PRRC2A: variants seen among roughly 807,000 people sequenced by gnomAD.
The protein encoded by PRRC2A is protein PRRC2A.
Under a neutral mutation model 224.6 loss-of-function variants are expected in PRRC2A, and 59 were observed. The ratio of observed to expected loss-of-function variants is 0.26; its 90% CI spans 0.21 to 0.33. PRRC2A has a LOEUF of 0.33. Ranked by LOEUF, PRRC2A falls within the 10% of genes least tolerant of loss-of-function variation. The pLI is 1.00. For synonymous variants in PRRC2A, 1,194 were observed against 1,109.5 expected, an observed-to-expected ratio of 1.08 and a Z score of -1.51; for missense variants, 3,095 against 2,880.7, an observed-to-expected ratio of 1.07 and a Z score of -1.70.
chr6:31,632,120 C>T lies in PRRC2A; in HGVS notation c.3447C>T (p.Ala1149=). 1 of 1,556,966 alleles carries T rather than the reference C, an allele frequency of 6.4e-7. No individual in the cohort carries two copies. The highest frequency in any genetic ancestry group is 8.7e-7 in the Non-Finnish European group (1 of 1,151,302). ...PPPPGAPPSP[A]PARFTARGGR... is the part of the protein sequence containing the mutation. ...CACCAGGAGCCCCACCTTCACCAGC[C>T]CCAGCCCGCTTCACTGCCCGGGGTG... The change falls in exon 16 of 31, where the codon GCC becomes GCT. Residue 1149 remains alanine (A), a synonymous_variant. Coordinates refer to ENST00000376033, the MANE Select transcript of PRRC2A (RefSeq NM_004638.4).
Position 31,632,103 on chromosome 6 carries a change from G to C in PRRC2A, c.3430G>C (p.Ala1144Pro). The change falls in exon 16 of 31, where the codon GCC (alanine) becomes CCC (proline). Residue 1144 changes from alanine to proline, a missense_variant. This residue lies in a region of PRRC2A where 2,001 missense variants were observed against 1,764.9 expected (regional missense o/e 1.13). Transcript: ENST00000376033. Reference sequence around the variant, plus strand: ...CCCTCTCGCTCCCCCACCACCAGGAGCCCCACCTTCACCAGCCCCAGCCCG... The same window carrying C: ...CCCTCTCGCTCCCCCACCACCAGGACCCCCACCTTCACCAGCCCCAGCCCG... ...QVPLAPPPPG[A>P]PPSPAPARFT... 6.4e-7 allele frequency: 1 copy of C among 1,551,822 alleles called. No individual in the cohort carries two copies. The highest frequency in any genetic ancestry group is 1.2e-5 in the South Asian group (1 of 81,240).
rs779958741 is a variant in PRRC2A at position 31,632,889 on chromosome 6, GGCAGCAGTGGCA to G, written c.4227_4238del (p.Ser1410_Gly1413del). ...GCGCCCTGGCCCAGGGGGCAAGGCT[GGCAGCAGTGGCA>G]GCAGCAGTGGAGGAGGCGGTGGGGG... is the stretch of plus-strand genomic sequence containing the variant. On this transcript the variant is annotated inframe_deletion, in exon 16 of 31. Coordinates refer to ENST00000376033, the MANE Select transcript of PRRC2A (RefSeq NM_004638.4). 2.8e-5 allele frequency: 45 copies of G among 1,612,804 alleles called. No individual in the cohort carries two copies. Among genetic ancestry groups the G allele is most frequent in the Admixed American group, 1.2e-4 (7 of 60,004 alleles).
In PRRC2A at chr6:31,636,230, C is replaced by T. The variant is rs749739603; in HGVS notation, c.5646C>T (p.Pro1882=). Residue 1882 remains proline, a synonymous_variant, in exon 26 of 31, where the codon CCC becomes CCT. Coordinates refer to ENST00000376033, the MANE Select transcript of PRRC2A (RefSeq NM_004638.4). This position sits in a 1 kb window ranked among gnomAD's most constrained non-coding sequence, Gnocchi z 4.3. ...TCAGATCACAGCCCCTATACCTACC[C>T]CCCGGCCCAGCCCCTCCCTCAGCAC... ...HPYRSQPLYL[P]PGPAPPSALL... is the part of the protein sequence containing the mutation. 1.9e-5 allele frequency: 31 copies of T among 1,612,862 alleles called. No homozygotes were observed. The highest frequency in any genetic ancestry group is 2.5e-5 in the Non-Finnish European group (30 of 1,179,722).
In PRRC2A at chr6:31,632,335, T is replaced by C; in HGVS notation, c.3662T>C (p.Val1221Ala). The C allele has an allele frequency of 6.2e-7, 1 of 1,613,278 alleles. No homozygotes were observed. Among genetic ancestry groups the C allele is most frequent in the African/African-American group, 1.3e-5 (1 of 74,996 alleles). The change falls in exon 16 of 31, where the codon GTG (valine) becomes GCG (alanine). Residue 1221 changes from valine to alanine, a missense_variant. This residue lies in a region of PRRC2A where 2,001 missense variants were observed against 1,764.9 expected (regional missense o/e 1.13). Transcript: ENST00000376033. The stretch of plus-strand genomic sequence containing the variant: ...TTGATCCCAGGGCCTCTGTCCCCTG[T>C]GGCGCGCGGAGGCAGCAATGGAGGT... ...EKLIPGPLSP[V>A]ARGGSNGGSN...
chr6:31,633,810 G>C, intron 17 of PRRC2A, 49 bp from the exon 18 acceptor site: 1 of 1,548,824 alleles, frequency 6.5e-7, no homozygotes, highest in Non-Finnish European at 8.7e-7. Context: ...GGAAAAGTTA[G>C]GGTCAGTGGC....
Position 31,622,736 on chromosome 6 carries a change from C to A in PRRC2A, c.-54C>A. On this transcript the variant is annotated 5_prime_UTR_variant, in exon 2 of 31. Transcript: ENST00000376033. ...GCTGTCTGGCCCACAGGCTCTGGCA[C>A]GTTTTGGGGGAGGTGCCTGCAGGAC... 1 of 1,372,628 alleles carries A rather than the reference C, an allele frequency of 7.3e-7. No homozygotes were observed. The highest frequency in any genetic ancestry group is 1.0e-6 in the Non-Finnish European group (1 of 967,462). The allele number at this position is 1,372,628 out of a possible 1,614,324, so 85.0% of individuals were successfully genotyped here.
Position 31,627,014 on chromosome 6 carries a change from G to A in PRRC2A, c.1106G>A (p.Arg369Gln), listed in dbSNP as rs758644306. The change falls in exon 11 of 31, where the codon CGG becomes CAG. Residue 369 changes from arginine (R) to glutamine (Q), a missense_variant. Transcript: ENST00000376033. This position sits in a 1 kb window ranked among gnomAD's most constrained non-coding sequence, Gnocchi z 5.6. ...TCCCAATCAGCTTCTGGTGAGGAAC[G>A]GCCCCCTGAAGCAGATGGCAAAAAG... is the stretch of plus-strand genomic sequence containing the variant. ...RDSQSASGEE[R>Q]PPEADGKKGN... 4.3e-5 allele frequency: 70 copies of A among 1,614,032 alleles called. No individual in the cohort carries two copies. Among genetic ancestry groups the A allele is most frequent in the Non-Finnish European group, 5.3e-5 (62 of 1,180,050 alleles).
In PRRC2A at chr6:31,631,765, A is replaced by C; in HGVS notation, c.3092A>C (p.Tyr1031Ser). The part of the protein sequence containing the change: ...TSCRGRGRGE[Y>S]FARGRGFRGT... ...TGCCGGGGTCGGGGCCGAGGCGAGT[A>C]TTTTGCCAGAGGGAGGGGTTTTCGG... The change falls in exon 16 of 31, where the codon TAT becomes TCT. Residue 1031 changes from tyrosine to serine, a missense_variant. Coordinates refer to ENST00000376033, the MANE Select transcript of PRRC2A (RefSeq NM_004638.4). This position sits in a 1 kb window ranked among gnomAD's most constrained non-coding sequence, Gnocchi z 4.5. 1.3e-6 allele frequency: 2 copies of C among 1,540,802 alleles called. No individual in the cohort carries two copies. The highest frequency in any genetic ancestry group is 1.8e-6 in the Non-Finnish European group (2 of 1,142,502).
At chr6:31,626,233 G>T in intron 9 of PRRC2A, 71 bp downstream of exon 9, 3 of 1,509,722 alleles carry the variant, frequency 2.0e-6, no homozygotes, top group Non-Finnish European at 2.7e-6. Flanking sequence ...AAAAATACAG[G>T]GTTATGTGGG....
chr6:31,632,763 G>A lies in PRRC2A; in HGVS notation c.4090G>A (p.Gly1364Ser), dbSNP rs1170499450. The change falls in exon 16 of 31, where the codon GGT (glycine) becomes AGT (serine). Residue 1364 changes from glycine (G) to serine (S), a missense_variant. Gly to Ser is a moderately conservative substitution (Grantham distance 56). Transcript: ENST00000376033. ...PGGGGGGAVP[G>S]ISAMSRGDLS... ...GGGAGGTGGAGGTGGAGCCGTACCA[G>A]GTATTTCAGCCATGTCCCGCGGAGA... 6.2e-7 allele frequency: 1 copy of A among 1,613,120 alleles called. No homozygotes were observed. The highest frequency in any genetic ancestry group is 8.5e-7 in the Non-Finnish European group (1 of 1,180,030).
intron 14 of PRRC2A, 55 bp from the exon 15 acceptor site, chr6:31,630,536 C>CT (rs1776427966): frequency 6.3e-7 from 1 of 1,587,344 alleles, no homozygotes; most frequent in South Asian, 1.1e-5. Flanking sequence ...GCTTTTTGGG[C>CT]TGGAGGGCTT....
Position 31,623,834 on chromosome 6 carries a change from A to G in PRRC2A, c.215A>G (p.Asn72Ser), listed in dbSNP as rs781377731. The change falls in exon 3 of 31, where the codon AAT becomes AGT. Residue 72 changes from asparagine (N) to serine (S), a missense_variant. Physicochemically the swap from Asn to Ser is conservative, Grantham distance 46 (BLOSUM62 1). Around this residue, in one of 8 missense-constraint regions of PRRC2A, gnomAD observed 52 missense variants for 77.9 expected, o/e 0.67. Transcript: ENST00000376033. ...AGCCTGAAAGCCGAGAACAAAGGCA[A>G]TGACCCCAATGTCTCACTAGTGCCA... is the stretch of plus-strand genomic sequence containing the variant. ...LPSLKAENKG[N>S]DPNVSLVPKD... 1.4e-5 allele frequency: 22 copies of G among 1,614,096 alleles called. No homozygotes were observed. Among genetic ancestry groups the G allele is most frequent in the East Asian group, 8.9e-5 (4 of 44,896 alleles).
chr6:31,637,110 A>G lies in PRRC2A; in HGVS notation c.6216A>G (p.Gly2072=). Residue 2072 remains glycine (G), a synonymous_variant, in exon 29 of 31, where the codon GGA becomes GGG. Transcript: ENST00000376033. The part of the protein sequence containing the change: ...QKLSSNLGGP[G]SSRTPPTGRS... The stretch of plus-strand genomic sequence containing the variant: ...TGAGCAGCAACCTTGGGGGACCTGG[A>G]TCATCACGGACTCCCCCAACTGGAA... 2 of 1,611,214 alleles carry G rather than the reference A, an allele frequency of 1.2e-6. No homozygotes were observed. Among genetic ancestry groups the G allele is most frequent in the Non-Finnish European group, 1.7e-6 (2 of 1,178,982 alleles).
Position 31,631,534 on chromosome 6 carries a change from A to T in PRRC2A, c.2861A>T (p.Lys954Ile). The change falls in exon 16 of 31, where the codon AAA (lysine) becomes ATA (isoleucine). Residue 954 changes from lysine (K) to isoleucine (I), a missense_variant. Physicochemically the swap from Lys to Ile is moderately radical, Grantham distance 102 (BLOSUM62 -3). Around this residue, in one of 8 missense-constraint regions of PRRC2A, gnomAD observed 2,001 missense variants for 1,764.9 expected, o/e 1.13. Coordinates refer to ENST00000376033, the MANE Select transcript of PRRC2A (RefSeq NM_004638.4). The surrounding 1 kb of genome is among the most constrained non-coding windows in gnomAD (Gnocchi z 4.5). Reference protein sequence around the residue: ...APPRRAGPIKKPPPPTKVEEL... With the variant: ...APPRRAGPIKIPPPPTKVEEL... ...CCCCGCCGGGCTGGGCCTATAAAGA[A>T]ACCTCCACCACCTACAAAAGTAGAA... 1 of 1,595,220 alleles carries T rather than the reference A, an allele frequency of 6.3e-7. No individual in the cohort carries two copies. Among genetic ancestry groups the T allele is most frequent in the Non-Finnish European group, 8.5e-7 (1 of 1,174,278 alleles).
rs144034863 is a variant in PRRC2A at position 31,634,297 on chromosome 6, C to T, written c.4781C>T (p.Pro1594Leu). Residue 1594 changes from proline to leucine, a missense_variant, in exon 19 of 31, where the codon CCT becomes CTT. Transcript: ENST00000376033. ...GGCTCTAAGCCTGAGGGCCCAGGCC[C>T]TCAGGCAGAGTCCAGAGATACAGGC... ...FLGSKPEGPG[P>L]QAESRDTGTE... is the part of the protein sequence containing the mutation. The T allele has an allele frequency of 6.2e-7, 1 of 1,612,324 alleles. No individual in the cohort carries two copies. Among genetic ancestry groups the T allele is most frequent in the Non-Finnish European group, 8.5e-7 (1 of 1,179,868 alleles).
Position 31,626,684 on chromosome 6 carries a change from G to T in PRRC2A, c.983-88G>T. 2.6e-6 allele frequency: 3 copies of T among 1,154,516 alleles called. No individual in the cohort carries two copies. In the South Asian group the frequency reaches 4.3e-5, roughly 17 times the overall value. 71.5% of individuals were successfully genotyped at this position (1,154,516 alleles called of 1,614,324 possible). The stretch of plus-strand genomic sequence containing the variant: ...TTCGGAGGGAAGGATATTGGCATTG[G>T]TAGTCCATCTTGTTACATAGTTCCA... On this transcript the variant is annotated intron_variant, in intron 9 of 30. Coordinates refer to ENST00000376033, the MANE Select transcript of PRRC2A (RefSeq NM_004638.4).
At position 31,636,760 on chromosome 6, in the gene PRRC2A, C is replaced by T; in HGVS notation, c.5962C>T (p.Leu1988=). ...QMLLPMVDSQ[L]PVVNFGSLPP... is the part of the protein sequence containing the mutation. ...GCTTCTACCCATGGTAGACTCACAG[C>T]TGCCTGTGGTGAACTTTGGCTCCCT... Residue 1988 remains leucine, a synonymous_variant, in exon 28 of 31, where the codon CTG becomes TTG. Coordinates refer to ENST00000376033, the MANE Select transcript of PRRC2A (RefSeq NM_004638.4). The surrounding 1 kb of genome is among the most constrained non-coding windows in gnomAD (Gnocchi z 4.3). The T allele has an allele frequency of 1.2e-6, 2 of 1,606,972 alleles. No homozygotes were observed. Among genetic ancestry groups the T allele is most frequent in the South Asian group, 2.2e-5 (2 of 91,078 alleles).
In PRRC2A at chr6:31,634,509, G is replaced by C. The variant is rs1192211929; in HGVS notation, c.4887G>C (p.Glu1629Asp). The change falls in exon 20 of 31, where the codon GAG becomes GAC. Residue 1629 changes from glutamate to aspartate, a missense_variant. This residue lies in a region of PRRC2A where 2,001 missense variants were observed against 1,764.9 expected (regional missense o/e 1.13). Transcript: ENST00000376033. ...SRKSYRPSSM[E>D]PWMEPLSPFE... Reference sequence around the variant, plus strand: ...AGAGTTACCGGCCCAGCTCCATGGAGCCTTGGATGGAGCCCCTGAGTCCTT... The same window carrying C: ...AGAGTTACCGGCCCAGCTCCATGGACCCTTGGATGGAGCCCCTGAGTCCTT... 2 of 1,612,812 alleles carry C rather than the reference G, an allele frequency of 1.2e-6. No individual in the cohort carries two copies. The highest frequency in any genetic ancestry group is 1.7e-6 in the Non-Finnish European group (2 of 1,179,978).
Position 31,632,460 on chromosome 6 carries a change from G to C in PRRC2A, c.3787G>C (p.Glu1263Gln), listed in dbSNP as rs762652671. The change falls in exon 16 of 31, where the codon GAA becomes CAA. Residue 1263 changes from glutamate (E) to glutamine (Q), a missense_variant. This residue lies in a region of PRRC2A where 2,001 missense variants were observed against 1,764.9 expected (regional missense o/e 1.13). Coordinates refer to ENST00000376033, the MANE Select transcript of PRRC2A (RefSeq NM_004638.4). ...GCCTCGTTTCCGGAGGCTGAAGCAG[G>C]AACGGGAGAATGCCGCAAGGGGGTC... ...KPPRFRRLKQ[E>Q]RENAARGSEG... 3 of 1,606,292 alleles carry C rather than the reference G, an allele frequency of 1.9e-6. No individual in the cohort carries two copies. The highest frequency in any genetic ancestry group is 1.7e-6 in the Non-Finnish European group (2 of 1,175,358).
Sources: allele counts gnomAD v4.1 joint callset, GRCh38; gene constraint gnomAD v4.1.1; regional missense constraint gnomAD v4.1.1; non-coding constraint Gnocchi (gnomAD v3.1); transcripts MANE v1.5; gene names NCBI Gene and HGNC (gene_info 2026-07-23, HGNC 2026-07-21).